Variants in XPO4 observed in about 807,000 individuals in gnomAD.
XPO4 encodes the protein exportin-4.
XPO4 carries 39 observed loss-of-function variants against 143.0 expected under a neutral mutation model. The ratio of observed to expected loss-of-function variants is 0.27; its 90% confidence interval spans 0.21 to 0.36. The LOEUF is 0.36. Ranked by LOEUF, XPO4 falls within the 10% of genes least tolerant of loss-of-function variation. XPO4 has a pLI of 1.00. For synonymous variants in XPO4, 439 were observed against 474.0 expected (o/e 0.93, Z 0.96); for missense variants, 907 against 1,348.0 (o/e 0.67, Z 5.12).
intron 19 of XPO4, among the ~76,000 whole-genome samples, chr13:20,789,242 T>C (rs979832354): frequency 6.6e-5 from 10 of 152,216 alleles, no homozygotes; most frequent in Non-Finnish European, 1.2e-4. Context: ...GGCTGGCTGC[T>C]GTGTGAATGC....
chr13:20,829,904 TCTCTC>T (rs2059831507), intron 6 of XPO4, among the ~76,000 whole-genome samples: 1 of 152,168 alleles, frequency 6.6e-6, no homozygotes, highest in South Asian at 2.1e-4. Context: ...CTCATATAAT[TCTCTC>T]CTCTATCTTT....
At chr13:20,798,714 A>G (rs1378946907) in intron 16 of XPO4, among the ~76,000 whole-genome samples, 1 of 152,184 alleles carries the variant, frequency 6.6e-6, no homozygotes, top group Non-Finnish European at 1.5e-5. Context: ...AGGAGAAAAA[A>G]TATCAGAAAA....
At chr13:20,890,001 T>C (rs1378673587) in intron 1 of XPO4, among the ~76,000 whole-genome samples, 1 of 152,238 alleles carries the variant, frequency 6.6e-6, no homozygotes, top group East Asian at 1.9e-4. Context: ...GCATTGTGCT[T>C]TGCTGATGCT....
intron 4 of XPO4, chr13:20,848,184 T>C: frequency 1.0e-6 from 1 of 952,932 alleles, no homozygotes; most frequent in Non-Finnish European, 1.2e-6. Context: ...TGGATCATTT[T>C]CATTTGCTCA....
In XPO4 at chr13:20,862,761, C is replaced by G; in HGVS notation, c.273G>C (p.Glu91Asp). ...AGGTTAAAAGGAATGTTCGCAGAGACTCGATGCTACCTTTTTCCAAGAGAA... is the reference window on the plus strand; with the variant it reads ...AGGTTAAAAGGAATGTTCGCAGAGAGTCGATGCTACCTTTTTCCAAGAGAA... ...EWILLEKGSI[E>D]SLRTFLLTYV... Residue 91 changes from glutamate to aspartate, a missense_variant, in exon 3 of 23, where the codon GAG becomes GAC. Physicochemically the swap from Glu to Asp is conservative, Grantham distance 45. Coordinates refer to ENST00000255305, the MANE Select transcript of XPO4 (RefSeq NM_022459.5). 3 of 1,614,182 alleles carry G rather than the reference C, an allele frequency of 1.9e-6. No homozygotes were observed. Among genetic ancestry groups the G allele is most frequent in the Non-Finnish European group, 2.5e-6 (3 of 1,180,032 alleles).
rs1595108929 is a variant in XPO4 at position 20,832,268 on chromosome 13, A to C, written c.728-5089T>G. Among the ~76,000 whole-genome samples, 4 of 152,336 alleles carry C rather than the reference A, an allele frequency of 2.6e-5. No homozygotes were observed. In the East Asian group the frequency reaches 7.7e-4, roughly 29 times the overall value. ...CATACAACAAACAGCATTGTCATTA[A>C]ATACGTACATCTTAACATGTAGTGG... On this transcript the variant is annotated intron_variant, in intron 6 of 22. Coordinates refer to ENST00000255305, the MANE Select transcript of XPO4 (RefSeq NM_022459.5).
At chr13:20,886,570 G>A (rs950979096) in intron 1 of XPO4, among the ~76,000 whole-genome samples, 5 of 151,896 alleles carry the variant, frequency 3.3e-5, no homozygotes, top group African/African-American at 7.3e-5. Flanking sequence ...CAGAGGTCAC[G>A]CTACTGCACA....
chr13:20,849,159 C>G (rs756247791), intron 4 of XPO4: 4 of 985,310 alleles, frequency 4.1e-6, no homozygotes, highest in Non-Finnish European at 4.8e-6. Context: ...TTATAATAGC[C>G]TGGCTCTTAC....
chr13:20,842,939 G>A lies in XPO4; in HGVS notation c.683C>T (p.Ala228Val), dbSNP rs1434304678. ...CCAGCTCAAGACTTGATTGGCGAGT[G>A]CAAGGTAACGCTGAAATACTGAAGA... ...QMSSVFQRYL[A>V]LANQVLSWNF... Residue 228 changes from alanine (A) to valine (V), a missense_variant, in exon 6 of 23, where the codon GCA (alanine) becomes GTA (valine). Coordinates refer to ENST00000255305, the MANE Select transcript of XPO4 (RefSeq NM_022459.5). The A allele has an allele frequency of 6.2e-7, 1 of 1,613,236 alleles. No individual in the cohort carries two copies. Among genetic ancestry groups the A allele is most frequent in the Admixed American group, 1.7e-5 (1 of 59,994 alleles).
At chr13:20,853,201 C>CTAAT in intron 4 of XPO4, 4 of 237,276 alleles carry the variant, frequency 1.7e-5, no homozygotes, top group Non-Finnish European at 2.7e-5. Context: ...GGAGTGGTGG[C>CTAAT]TTGTGCCGAT....
chr13:20,800,857 G>T lies in XPO4; in HGVS notation c.1951C>A (p.Leu651Met), dbSNP rs1345692264. The T allele has an allele frequency of 1.2e-6, 2 of 1,613,644 alleles. No individual in the cohort carries two copies. Residue 651 changes from leucine (L) to methionine (M), a missense_variant, in exon 14 of 23, where the codon CTG becomes ATG. Transcript: ENST00000255305. The part of the protein sequence containing the change: ...FLKRWAKTYL[L>M]VDEKLYDQIS... ...TGATCATACAGTTTTTCATCCACCA[G>T]GAGATAAGTCTTTGCCCAGCGTTTT...
Position 20,808,435 on chromosome 13 carries a change from C to A in XPO4, c.1639+1G>T. ...ATTTTAAAAAGAAACCACCAACCAA[C>A]CTGTAACTAAAATAAGCCAGTGAAT... On this transcript the variant is annotated splice_donor_variant, in intron 12 of 22. Coordinates refer to ENST00000255305, the MANE Select transcript of XPO4 (RefSeq NM_022459.5). LOFTEE classifies it high-confidence loss of function. 6.6e-7 allele frequency: 1 copy of A among 1,515,092 alleles called. No homozygotes were observed. Among genetic ancestry groups the A allele is most frequent in the South Asian group, 1.3e-5 (1 of 74,942 alleles). The allele number at this position is 1,515,092 out of a possible 1,614,324, so 93.9% of individuals were successfully genotyped here. A position where few individuals can be genotyped will look rare whatever the true frequency, so the allele number is the denominator to read the frequency against.
chr13:20,844,396 T>C (rs989578412), intron 4 of XPO4, among the ~76,000 whole-genome samples: 1 of 152,134 alleles, frequency 6.6e-6, no homozygotes, highest in Non-Finnish European at 1.5e-5. Context: ...AGCCAGGTAA[T>C]ACCCAAAAGT....
intron 4 of XPO4, chr13:20,851,515 C>A (rs1043706947): frequency 9.7e-6 from 8 of 821,982 alleles, no homozygotes; most frequent in Non-Finnish European, 1.2e-5. Flanking sequence ...TTGAGACCAG[C>A]TTGGGCAACA....
rs971283407 is a variant in XPO4 at position 20,780,005 on chromosome 13, T to C, written c.*3717A>G. On this transcript the variant is annotated 3_prime_UTR_variant, in exon 23 of 23. Coordinates refer to ENST00000255305, the MANE Select transcript of XPO4 (RefSeq NM_022459.5). Reference sequence around the variant, plus strand: ...CCAAGTCAGAGAATAACCACTTATATTTTAAAAAGATTAAAACATTATTAT... The same window carrying C: ...CCAAGTCAGAGAATAACCACTTATACTTTAAAAAGATTAAAACATTATTAT... 6.6e-6 allele frequency: 1 copy of C among 152,188 alleles called. No homozygotes were observed. Among genetic ancestry groups the C allele is most frequent in the Non-Finnish European group, 1.5e-5 (1 of 68,034 alleles). 9.4% of individuals were successfully genotyped at this position (152,188 alleles called of 1,614,324 possible).
At chr13:20,834,392 A>G (rs2818993) in intron 6 of XPO4, among the ~76,000 whole-genome samples, 124,096 of 151,816 alleles carry the variant, frequency 0.82, 50,908 homozygotes, top group East Asian at 1. Context: ...ACAAGCCTGG[A>G]CAACACAGCG....
intron 9 of XPO4, among the ~76,000 whole-genome samples, chr13:20,819,805 T>A (rs1288446977): frequency 6.6e-6 from 1 of 152,232 alleles, no homozygotes; most frequent in Non-Finnish European, 1.5e-5. Context: ...TGGCTGGATT[T>A]GTTCCTATAT....
Position 20,880,127 on chromosome 13 carries a change from G to T in XPO4, c.70-11426C>A, listed in dbSNP as rs1487847656. Among the ~76,000 whole-genome samples, 4 of 152,144 alleles carry T rather than the reference G, an allele frequency of 2.6e-5. No individual in the cohort carries two copies. In the East Asian group the frequency reaches 7.7e-4, roughly 29 times the overall value. ...CTGGTGGAAATGTAGAAATGGTACA[G>T]CCAAACAAAAAAAGGAACAGCCACA... On this transcript the variant is annotated intron_variant, in intron 1 of 22. Coordinates refer to ENST00000255305, the MANE Select transcript of XPO4 (RefSeq NM_022459.5).
In XPO4 at chr13:20,779,834, T is replaced by G. The variant is rs2059121218; in HGVS notation, c.*3888A>C. 1 of 152,670 alleles carries G rather than the reference T, an allele frequency of 6.6e-6. No homozygotes were observed. Among genetic ancestry groups the G allele is most frequent in the Non-Finnish European group, 1.5e-5 (1 of 68,046 alleles). The allele number at this position is 152,670 out of a possible 1,614,324, so 9.5% of individuals were successfully genotyped here. On this transcript the variant is annotated 3_prime_UTR_variant, in exon 23 of 23. Coordinates refer to ENST00000255305, the MANE Select transcript of XPO4 (RefSeq NM_022459.5). ...CAAAGCATACTTCATATATTTTATA[T>G]CTAAATGAAAATATGCTTAAAATTC...
Sources: gnomAD v4.1 joint callset for allele counts (sites outside exome capture counted in the v4.1 genomes callset) on GRCh38, gnomAD v4.1.1 for gene constraint, MANE v1.5 for transcripts, NCBI Gene and HGNC (gene_info 2026-07-23, HGNC 2026-07-21) for gene names.